TNFSF4: variants seen among roughly 807,000 people sequenced by gnomAD.
TNFSF4 encodes the protein tumor necrosis factor ligand superfamily member 4.
TNFSF4 carries 4 observed loss-of-function variants against 7.3 expected under a neutral mutation model. The observed-to-expected ratio is 0.55, with a 90% confidence interval of 0.27 to 1.25. The LOEUF (loss-of-function observed/expected upper bound fraction) is 1.25. Among genes scored for constraint, TNFSF4 ranks in the 50% most tolerant of loss-of-function variants. TNFSF4 has a pLI of 0.12. For synonymous variants in TNFSF4, 76 were observed against 83.7 expected, an observed-to-expected ratio of 0.91 and a Z score of 0.50; for missense variants, 181 against 208.8, an observed-to-expected ratio of 0.87 and a Z score of 0.82.
At chr1:173,240,010 G>A in the TNFSF4 span, among the ~76,000 whole-genome samples, 1 of 152,070 alleles carries the variant, frequency 6.6e-6, no homozygotes, top group African/African-American at 2.4e-5. Flanking sequence ...CAGCCTGGGT[G>A]ACAGAGCACG....
chr1:173,225,132 G>A, the TNFSF4 span, among the ~76,000 whole-genome samples: 3 of 152,200 alleles, frequency 2.0e-5, no homozygotes, highest in African/African-American at 4.8e-5. Flanking sequence ...ACCAGGAAGT[G>A]AAGGTTATGT....
At chr1:173,333,642 G>T in the TNFSF4 span, among the ~76,000 whole-genome samples, 2 of 152,130 alleles carry the variant, frequency 1.3e-5, no homozygotes, top group Non-Finnish European at 1.5e-5. Flanking sequence ...GACACAGCCA[G>T]AAGGCAGCTA....
the TNFSF4 span, among the ~76,000 whole-genome samples, chr1:173,328,858 GA>G: frequency 8.0e-5 from 12 of 149,100 alleles, no homozygotes; most frequent in South Asian, 2.1e-4. Flanking sequence ...TTGTGCTTCA[GA>G]AAAAAAAAAT....
At chr1:173,237,076 G>A in the TNFSF4 span, among the ~76,000 whole-genome samples, 12 of 152,242 alleles carry the variant, frequency 7.9e-5, no homozygotes, top group Admixed American at 2.6e-4. Flanking sequence ...TTTTATAAAC[G>A]GGAGTTGTCT....
the TNFSF4 span, among the ~76,000 whole-genome samples, chr1:173,379,104 C>T: frequency 1.3e-5 from 2 of 152,198 alleles, no homozygotes; most frequent in South Asian, 2.1e-4. Context: ...TAGATCAAAC[C>T]CTGGCCTTTA....
chr1:173,261,754 A>G, the TNFSF4 span, among the ~76,000 whole-genome samples: 46 of 152,284 alleles, frequency 3.0e-4, no homozygotes, highest in African/African-American at 1.0e-3. Flanking sequence ...TCCTGGACAC[A>G]TATATCCTCC....
At chr1:173,400,096 T>G in the TNFSF4 span, among the ~76,000 whole-genome samples, 1 of 152,234 alleles carries the variant, frequency 6.6e-6, no homozygotes, top group Non-Finnish European at 1.5e-5. Flanking sequence ...GAATGACTTA[T>G]CCACTGTCAT....
upstream of TNFSF4, chr1:173,207,363 G>T (rs944266360): frequency 2.2e-6 from 1 of 452,726 alleles, no homozygotes; most frequent in African/African-American, 2.0e-5. Context: ...CAGTTTTAAC[G>T]CTGCAACTTT....
the TNFSF4 span, chr1:173,362,859 C>T: frequency 2.2e-6 from 1 of 462,414 alleles, no homozygotes; most frequent in Non-Finnish European, 4.3e-6. Flanking sequence ...CACAGCATGG[C>T]TAAGACTTGT....
the TNFSF4 span, among the ~76,000 whole-genome samples, chr1:173,265,637 C>T: frequency 6.6e-6 from 1 of 152,108 alleles, no homozygotes; most frequent in Non-Finnish European, 1.5e-5. Flanking sequence ...CTTCTTCCTA[C>T]CTGAATGATT....
At chr1:173,207,745 A>C (rs920045225), upstream of TNFSF4, among the ~76,000 whole-genome samples, 1 of 152,180 alleles carries the variant, frequency 6.6e-6, no homozygotes, top group Non-Finnish European at 1.5e-5. Context: ...GCACACACAG[A>C]TCATTCTTGA....
the TNFSF4 span, among the ~76,000 whole-genome samples, chr1:173,391,887 C>T: frequency 6.6e-6 from 1 of 152,134 alleles, no homozygotes; most frequent in Non-Finnish European, 1.5e-5. Context: ...AAAAGCAGGA[C>T]CTTGTAAACA....
chr1:173,429,264 C>G, the TNFSF4 span, among the ~76,000 whole-genome samples: 1 of 152,010 alleles, frequency 6.6e-6, no homozygotes, highest in Middle Eastern at 3.4e-3. Context: ...GATTATTTTT[C>G]CAAAAGAGAG....
At chr1:173,241,003 T>C in the TNFSF4 span, among the ~76,000 whole-genome samples, 3 of 152,254 alleles carry the variant, frequency 2.0e-5, no homozygotes, top group East Asian at 5.8e-4. Flanking sequence ...TTTACCTATT[T>C]TTTCTATTGA....
the TNFSF4 span, among the ~76,000 whole-genome samples, chr1:173,212,896 A>G: frequency 2.8e-5 from 4 of 141,420 alleles, no homozygotes; most frequent in African/African-American, 7.4e-5. Flanking sequence ...AAAAATATAC[A>G]TAAATAAATA....
the TNFSF4 span, among the ~76,000 whole-genome samples, chr1:173,386,826 A>G: frequency 2.0e-5 from 3 of 152,166 alleles, no homozygotes; most frequent in Non-Finnish European, 4.4e-5. Flanking sequence ...GGAGTCAATG[A>G]TTATTCTCAA....
the TNFSF4 span, chr1:173,440,647 G>A: frequency 1.3e-5 from 2 of 152,112 alleles, no homozygotes; most frequent in Admixed American, 1.3e-4. Flanking sequence ...CAAGCACTTT[G>A]GTCAAAGCAG....
the TNFSF4 span, among the ~76,000 whole-genome samples, chr1:173,305,692 T>C: frequency 1.3e-5 from 2 of 150,388 alleles, no homozygotes; most frequent in East Asian, 1.9e-4. Context: ...GGGTAATTTA[T>C]TAAAAAAAAA....
At chr1:173,204,892 AAC>A in intron 1 of TNFSF4, among the ~76,000 whole-genome samples, 1 of 138,234 alleles carries the variant, frequency 7.2e-6, no homozygotes, top group South Asian at 2.2e-4. Context: ...CTCTCTCTCA[AAC>A]ACACAGAAAC....
Sources: gnomAD v4.1 joint callset for allele counts (sites outside exome capture counted in the v4.1 genomes callset) on GRCh38, gnomAD v4.1.1 for gene constraint, MANE v1.5 for transcripts, NCBI Gene and HGNC (gene_info 2026-07-23, HGNC 2026-07-21) for gene names.